PLXDC2: variants seen among roughly 807,000 people sequenced by gnomAD.
PLXDC2 encodes the protein plexin domain containing 2, also known as plexin domain-containing protein 2.
In PLXDC2, 40 loss-of-function variants were observed where a neutral mutation model predicts 68.9. The observed-to-expected ratio is 0.58, with a 90% CI of 0.45 to 0.76. The LOEUF is 0.76. Ranked by LOEUF, PLXDC2 falls within the 30% of genes least tolerant of loss-of-function variation. The pLI, the probability that PLXDC2 is intolerant of heterozygous loss-of-function variation, is 0.00. For missense variants in PLXDC2, 644 were observed against 661.9 expected (o/e 0.97, Z 0.30); for synonymous variants, 243 against 234.2 (o/e 1.04, Z -0.34).
At chr10:20,083,424 C>G (rs958049314) in intron 4 of PLXDC2, among the ~76,000 whole-genome samples, 1 of 148,610 alleles carries the variant, frequency 6.7e-6, no homozygotes, top group Non-Finnish European at 1.5e-5. Flanking sequence ...TTGCAGTGAG[C>G]CGAGATCGCG....
chr10:19,847,641 C>T (rs1213882994), intron 1 of PLXDC2, among the ~76,000 whole-genome samples: 2 of 152,188 alleles, frequency 1.3e-5, no homozygotes, highest in Non-Finnish European at 2.9e-5. Context: ...CACTTTACTG[C>T]CCCCGCTCTC....
intron 4 of PLXDC2, among the ~76,000 whole-genome samples, chr10:20,132,738 A>C (rs1198703532): frequency 6.8e-6 from 1 of 147,696 alleles, no homozygotes; most frequent in African/African-American, 2.5e-5. Context: ...GCTAAGGTTA[A>C]GTCTTTTGTA....
At position 20,285,832 on chromosome 10, in the gene PLXDC2, G is replaced by C. The variant is rs532002110; in HGVS notation, c.*6013G>C. The C allele has an allele frequency of 1.1e-4, 17 of 152,050 alleles. No homozygotes were observed. Among genetic ancestry groups the C allele is most frequent in the Non-Finnish European group, 2.4e-4 (16 of 68,010 alleles). The allele number at this position is 152,050 out of a possible 1,614,324, so 9.4% of individuals were successfully genotyped here. ...ACCATCCCAGACATAAGACAATCAGGGAAATCAGAAAACTCCAGCCTCAAA... is the reference window on the plus strand; with the variant it reads ...ACCATCCCAGACATAAGACAATCAGCGAAATCAGAAAACTCCAGCCTCAAA... On this transcript the variant is annotated 3_prime_UTR_variant, in exon 14 of 14. Coordinates refer to ENST00000377252, the MANE Select transcript of PLXDC2 (RefSeq NM_032812.9).
intron 1 of PLXDC2, among the ~76,000 whole-genome samples, chr10:19,966,812 T>A (rs1834270730): frequency 6.6e-6 from 1 of 152,058 alleles, no homozygotes; most frequent in South Asian, 2.1e-4. Flanking sequence ...GTTACCATTT[T>A]TTTTTTCCCC....
chr10:19,935,400 T>C (rs1196915584), intron 1 of PLXDC2, among the ~76,000 whole-genome samples: 1 of 152,176 alleles, frequency 6.6e-6, no homozygotes, highest in African/African-American at 2.4e-5. Flanking sequence ...ACCTGGCCCA[T>C]GGAAGAACCC....
At chr10:19,906,482 G>A (rs1322336104) in intron 1 of PLXDC2, among the ~76,000 whole-genome samples, 1 of 152,184 alleles carries the variant, frequency 6.6e-6, no homozygotes, top group African/African-American at 2.4e-5. Flanking sequence ...TACTTTTAGT[G>A]GATTCTGTGG....
chr10:20,217,490 T>A lies in PLXDC2; in HGVS notation c.1187T>A (p.Val396Glu). The A allele has an allele frequency of 1.2e-6, 2 of 1,611,714 alleles. No individual in the cohort carries two copies. The highest frequency in any genetic ancestry group is 1.7e-6 in the Non-Finnish European group (2 of 1,178,964). The change falls in exon 11 of 14, where the codon GTA becomes GAA. Residue 396 changes from valine to glutamate, a missense_variant. By Grantham distance (121) the Val-to-Glu change is moderately radical. Coordinates refer to ENST00000377252, the MANE Select transcript of PLXDC2 (RefSeq NM_032812.9). ...VETSSRTTTT[V>E]GATTTQFRVL... ...ACTTCTTCTCGAACCACCACAACCG[T>A]AGGAGCGACAACCACCCAGTTCAGG...
intron 3 of PLXDC2, among the ~76,000 whole-genome samples, chr10:20,062,415 T>C (rs542099152): frequency 6.6e-6 from 1 of 152,058 alleles, no homozygotes; most frequent in East Asian, 1.9e-4. Context: ...AGAGCGAGAC[T>C]CCATCTCAAT....
At chr10:20,163,670 T>C (rs540841581) in intron 6 of PLXDC2, among the ~76,000 whole-genome samples, 40 of 152,312 alleles carry the variant, frequency 2.6e-4, no homozygotes, top group African/African-American at 8.9e-4. Context: ...GTAAAACTGA[T>C]AATAAAGAGA....
Position 19,833,870 on chromosome 10 carries a change from A to C in PLXDC2, c.112+16679A>C, listed in dbSNP as rs76418282. On this transcript the variant is annotated intron_variant, in intron 1 of 13. Transcript: ENST00000377252. ...TTGCATCAATGAATAGAAGATAAGA[A>C]ATGTCAAAATAAAAAATGCATACAA... Among the ~76,000 whole-genome samples, 434 of 152,298 alleles carry C rather than the reference A, an allele frequency of 2.8e-3. 8 individuals carry two copies. The East Asian group carries it at 0.053, about 19-fold the overall frequency.
chr10:19,865,901 G>A (rs377004648), intron 1 of PLXDC2, among the ~76,000 whole-genome samples: 10 of 152,174 alleles, frequency 6.6e-5, no homozygotes, highest in African/African-American at 2.4e-4. Flanking sequence ...TTCCTAACAA[G>A]CACATGGCTA....
chr10:20,067,850 A>C (rs975161857), intron 3 of PLXDC2, among the ~76,000 whole-genome samples: 1 of 152,204 alleles, frequency 6.6e-6, no homozygotes, highest in Non-Finnish European at 1.5e-5. Context: ...TTGACCTAAC[A>C]TGCTCTACTA....
chr10:19,935,190 T>G (rs1464779441), intron 1 of PLXDC2, among the ~76,000 whole-genome samples: 1 of 152,174 alleles, frequency 6.6e-6, no homozygotes, highest in Admixed American at 6.5e-5. Flanking sequence ...AGGCTGACAG[T>G]GGGGACCTAA....
intron 13 of PLXDC2, among the ~76,000 whole-genome samples, chr10:20,273,548 AC>A (rs1835966263): frequency 1.9e-4 from 9 of 48,192 alleles, no homozygotes; most frequent in African/African-American, 4.1e-4. Flanking sequence ...ACATACATAG[AC>A]ACACATATAT....
intron 4 of PLXDC2, among the ~76,000 whole-genome samples, chr10:20,119,995 A>T (rs982410106): frequency 2.6e-5 from 4 of 152,152 alleles, no homozygotes. Flanking sequence ...GCCAGCAAAG[A>T]TTATTTATTT....
At chr10:19,822,092 C>G (rs1836477196) in intron 1 of PLXDC2, among the ~76,000 whole-genome samples, 2 of 151,574 alleles carry the variant, frequency 1.3e-5, no homozygotes, top group South Asian at 4.1e-4. Context: ...TCACAAATAG[C>G]AAGATCTTCT....
chr10:20,217,013 A>G (rs1467381289), intron 10 of PLXDC2, among the ~76,000 whole-genome samples: 1 of 152,240 alleles, frequency 6.6e-6, no homozygotes, highest in African/African-American at 2.4e-5. Context: ...TGTCAGTTTG[A>G]TACGAAAGGA....
Position 20,283,570 on chromosome 10 carries a change from A to G in PLXDC2, c.*3751A>G, listed in dbSNP as rs1212568101. The G allele has an allele frequency of 6.6e-6, 1 of 152,210 alleles. No individual in the cohort carries two copies. The highest frequency in any genetic ancestry group is 1.5e-5 in the Non-Finnish European group (1 of 68,038). 9.4% of individuals were successfully genotyped at this position (152,210 alleles called of 1,614,324 possible). A position where few individuals can be genotyped will look rare whatever the true frequency, so the allele number is the denominator to read the frequency against. ...AATTGCTTCAGTTTCTTTTCTGCCCATCTGAATATTTCCTTTAGTATTTGT... is the reference window on the plus strand; with the variant it reads ...AATTGCTTCAGTTTCTTTTCTGCCCGTCTGAATATTTCCTTTAGTATTTGT... On this transcript the variant is annotated 3_prime_UTR_variant, in exon 14 of 14. Coordinates refer to ENST00000377252, the MANE Select transcript of PLXDC2 (RefSeq NM_032812.9).
chr10:20,022,281 C>A (rs1406781647), intron 2 of PLXDC2, among the ~76,000 whole-genome samples: 3 of 152,112 alleles, frequency 2.0e-5, no homozygotes. Flanking sequence ...GAAGCAGATA[C>A]AAATGGAGTC....
Sources: allele counts gnomAD v4.1 joint callset (sites outside exome capture counted in the v4.1 genomes callset), GRCh38; gene constraint gnomAD v4.1.1; transcripts MANE v1.5; gene names NCBI Gene and HGNC (gene_info 2026-07-23, HGNC 2026-07-21).